Variants in GNAL observed in about 807,000 individuals in gnomAD.
GNAL encodes G protein subunit alpha L, also known as guanine nucleotide-binding protein G(olf) subunit alpha.
A neutral mutation model predicts 55.1 loss-of-function variants in GNAL; 18 were observed. The ratio of observed to expected loss-of-function variants is 0.33; its 90% CI spans 0.23 to 0.48. GNAL has a LOEUF of 0.48. Ranked by LOEUF, GNAL falls within the 20% of genes least tolerant of loss-of-function variation. The probability of loss-of-function intolerance (pLI) is 0.99; values close to 1 mark genes in which losing one functional copy is unlikely to be tolerated. For synonymous variants in GNAL, 253 were observed against 237.0 expected (o/e 1.07, Z -0.62); for missense variants, 412 against 614.1 (o/e 0.67, Z 3.48).
chr18:11,803,589 T>C (rs1334042455), intron 4 of GNAL, among the ~76,000 whole-genome samples: 2 of 152,116 alleles, frequency 1.3e-5, no homozygotes, highest in African/African-American at 2.4e-5. Flanking sequence ...GAATGGAACA[T>C]GGAGATATTG....
intron 10 of GNAL, among the ~76,000 whole-genome samples, chr18:11,872,683 C>T (rs745953508): frequency 1.3e-5 from 2 of 152,204 alleles, no homozygotes; most frequent in Non-Finnish European, 2.9e-5. Context: ...AGCTCTCCCT[C>T]TAGTGCCTTT....
intron 4 of GNAL, among the ~76,000 whole-genome samples, chr18:11,820,650 T>C (rs774682518): frequency 1.3e-5 from 2 of 152,230 alleles, no homozygotes; most frequent in Non-Finnish European, 2.9e-5. Flanking sequence ...TCTCTATTTT[T>C]ATAAGTTTGA....
chr18:11,789,209 A>C (rs900555900), intron 4 of GNAL, among the ~76,000 whole-genome samples: 1 of 152,114 alleles, frequency 6.6e-6, no homozygotes, highest in African/African-American at 2.4e-5. Flanking sequence ...GTAACAGGGC[A>C]TTGCTCTTAC....
chr18:11,864,515 C>G lies in GNAL; in HGVS notation c.778-18C>G. The G allele has an allele frequency of 7.3e-7, 1 of 1,371,526 alleles. No homozygotes were observed. The allele number at this position is 1,371,526 out of a possible 1,614,324, so 85.0% of individuals were successfully genotyped here. ...AACAGTAATGTAACTCAGCTTGTTT[C>G]CCTCTTCTTGTTCCCAGGACCTCCT... is the stretch of plus-strand genomic sequence containing the variant. On this transcript the variant is annotated intron_variant, in intron 6 of 11. Coordinates refer to ENST00000334049, the MANE Select transcript of GNAL (RefSeq NM_182978.4).
At chr18:11,851,362 G>A in intron 5 of GNAL, 1 of 1,035,224 alleles carries the variant, frequency 9.7e-7, no homozygotes, top group South Asian at 1.9e-5. Flanking sequence ...TTTGGCGCTG[G>A]GCTCTGACGT....
At chr18:11,857,785 C>T (rs1166313534) in intron 5 of GNAL, 1 of 967,932 alleles carries the variant, frequency 1.0e-6, no homozygotes, top group Non-Finnish European at 1.2e-6. Context: ...TTTGTCACCA[C>T]GTGAGTAATG....
At chr18:11,840,367 A>G (rs2035586485) in intron 5 of GNAL, among the ~76,000 whole-genome samples, 1 of 152,252 alleles carries the variant, frequency 6.6e-6, no homozygotes, top group African/African-American at 2.4e-5. Context: ...GTGACTAAAT[A>G]TATCTTCTAA....
At chr18:11,816,631 C>T (rs1011992476) in intron 4 of GNAL, among the ~76,000 whole-genome samples, 7 of 151,800 alleles carry the variant, frequency 4.6e-5, no homozygotes, top group South Asian at 2.1e-4. Flanking sequence ...CTGGCCAACA[C>T]GGTGAAACCC....
chr18:11,715,874 A>C (rs1166705527), intron 1 of GNAL, among the ~76,000 whole-genome samples: 1 of 152,010 alleles, frequency 6.6e-6, no homozygotes, highest in Non-Finnish European at 1.5e-5. Context: ...ACAATTTGCT[A>C]ATGAACATAT....
chr18:11,719,905 G>A (rs1258986959), intron 1 of GNAL, among the ~76,000 whole-genome samples: 1 of 152,274 alleles, frequency 6.6e-6, no homozygotes, highest in Non-Finnish European at 1.5e-5. Context: ...CAGCAATAGA[G>A]TGCAAGAGAC....
At position 11,864,705 on chromosome 18, in the gene GNAL, G is replaced by T. The variant is rs560737011; in HGVS notation, c.851+99G>T. 4 of 771,700 alleles carry T rather than the reference G, an allele frequency of 5.2e-6. No individual in the cohort carries two copies. The African/African-American group carries it at 6.8e-5, about 13-fold the overall frequency. 47.8% of individuals were successfully genotyped at this position (771,700 alleles called of 1,614,324 possible). A position where few individuals can be genotyped will look rare whatever the true frequency, so the allele number is the denominator to read the frequency against. ...GGGGGCTTCATTCCTGAATGTGCAT[G>T]GCAGCCCTTTCAGGTAAGAGCAGCT... On this transcript the variant is annotated intron_variant, in intron 7 of 11. Coordinates refer to ENST00000334049, the MANE Select transcript of GNAL (RefSeq NM_182978.4).
intron 1 of GNAL, chr18:11,702,387 C>G (rs375028017): frequency 6.6e-6 from 1 of 152,410 alleles, no homozygotes; most frequent in Non-Finnish European, 1.5e-5. Context: ...AAATGAACCA[C>G]AAGCCCACAG....
intron 1 of GNAL, among the ~76,000 whole-genome samples, chr18:11,744,219 G>C (rs2032639619): frequency 6.6e-6 from 1 of 152,156 alleles, no homozygotes; most frequent in Non-Finnish European, 1.5e-5. Context: ...GTGAGTTAAA[G>C]AAGAATGTGT....
chr18:11,733,003 A>G (rs1213726198), intron 1 of GNAL, among the ~76,000 whole-genome samples: 1 of 152,244 alleles, frequency 6.6e-6, no homozygotes, highest in Non-Finnish European at 1.5e-5. Flanking sequence ...CAGAAATTGC[A>G]GACAGCAAGG....
chr18:11,753,099 C>T (rs2032913507), intron 2 of GNAL, among the ~76,000 whole-genome samples, 174 bp downstream of exon 2: 1 of 152,004 alleles, frequency 6.6e-6, no homozygotes, highest in Admixed American at 6.6e-5. Context: ...AATCCTTCTT[C>T]TGCTAGTGTC....
intron 1 of GNAL, among the ~76,000 whole-genome samples, chr18:11,741,914 C>T (rs565218807): frequency 2.0e-5 from 3 of 152,140 alleles, no homozygotes; most frequent in Non-Finnish European, 2.9e-5. Flanking sequence ...AAGAGTACAG[C>T]GCAGTAGCAT....
At chr18:11,727,448 A>T (rs916743316) in intron 1 of GNAL, among the ~76,000 whole-genome samples, 3 of 152,224 alleles carry the variant, frequency 2.0e-5, no homozygotes, top group African/African-American at 7.2e-5. Flanking sequence ...AAAAATAAAA[A>T]ATTTCCTGGG....
At chr18:11,782,426 T>C (rs2033946681) in intron 4 of GNAL, among the ~76,000 whole-genome samples, 1 of 152,240 alleles carries the variant, frequency 6.6e-6, no homozygotes, top group African/African-American at 2.4e-5. Context: ...AAAGATTACA[T>C]ATAATCCTCT....
chr18:11,712,020 T>C (rs979799315), intron 1 of GNAL, among the ~76,000 whole-genome samples: 3 of 152,254 alleles, frequency 2.0e-5, no homozygotes, highest in African/African-American at 7.2e-5. Flanking sequence ...GGTGTCTCAC[T>C]ACTATACCAT....
Sources: gnomAD v4.1 joint callset for allele counts (sites outside exome capture counted in the v4.1 genomes callset) on GRCh38, gnomAD v4.1.1 for gene constraint, MANE v1.5 for transcripts, NCBI Gene and HGNC (gene_info 2026-07-23, HGNC 2026-07-21) for gene names.